Variants in ARL6IP4 observed in about 807,000 individuals in gnomAD.
The protein encoded by ARL6IP4 is ADP-ribosylation factor-like protein 6-interacting protein 4.
Under a neutral mutation model 28.1 loss-of-function variants are expected in ARL6IP4, and 24 were observed. That is an observed-to-expected ratio of 0.86 (90% confidence interval 0.62 to 1.20). The LOEUF (loss-of-function observed/expected upper bound fraction) is 1.20. Ranked by LOEUF, ARL6IP4 falls within the 50% of genes most tolerant of loss-of-function variation. The pLI is 0.00. For missense variants in ARL6IP4, 343 were observed against 302.4 expected, an observed-to-expected ratio of 1.13 and a Z score of -1.00; for synonymous variants, 162 against 122.3, an observed-to-expected ratio of 1.32 and a Z score of -2.14.
rs774647541 is a variant in ARL6IP4 at position 122,982,600 on chromosome 12, C to A, written c.658-20C>A. On this transcript the variant is annotated intron_variant, in intron 5 of 5. Transcript: ENST00000315580. ...CTCTGTTTGTGATGTACCCCTCCTC[C>A]TGTGTGCTTTCTTCCCCAGCAAGCC... The A allele has an allele frequency of 2.1e-5, 34 of 1,614,056 alleles. No individual in the cohort carries two copies. Among genetic ancestry groups the A allele is most frequent in the Non-Finnish European group, 2.7e-5 (32 of 1,180,034 alleles).
chr12:122,982,776 C>T lies in ARL6IP4; in HGVS notation c.*100C>T. 1 of 1,283,432 alleles carries T rather than the reference C, an allele frequency of 7.8e-7. No individual in the cohort carries two copies. The highest frequency in any genetic ancestry group is 1.1e-6 in the Non-Finnish European group (1 of 905,586). 79.5% of individuals were successfully genotyped at this position (1,283,432 alleles called of 1,614,324 possible). A position where few individuals can be genotyped will look rare whatever the true frequency, so the allele number is the denominator to read the frequency against. On this transcript the variant is annotated 3_prime_UTR_variant, in exon 6 of 6. Transcript: ENST00000315580. ...GCCTGATGGGTGCTGGTGGCCTTTC[C>T]CCCGTGGATTGGTCTCTGGCCCAGC...
At position 122,982,525 on chromosome 12, in the gene ARL6IP4, G is replaced by T; in HGVS notation, c.644G>T (p.Arg215Ile). 2 of 1,614,140 alleles carry T rather than the reference G, an allele frequency of 1.2e-6. No homozygotes were observed. The highest frequency in any genetic ancestry group is 1.3e-5 in the African/African-American group (1 of 75,036). The change falls in exon 5 of 6, where the codon AGA (arginine) becomes ATA (isoleucine). Residue 215 changes from arginine to isoleucine, a missense_variant. By Grantham distance (97) the Arg-to-Ile change is moderately conservative (BLOSUM62 -3). Transcript: ENST00000315580. ...GAAATCGTAACCAAAGAACGACACA[G>T]AGAGATCAACAAGGTGGGTGTGGCC... ...LEEIVTKERH[R>I]EINKQATRGD...
At position 122,982,511 on chromosome 12, in the gene ARL6IP4, C is replaced by A. The variant is rs1227201533; in HGVS notation, c.630C>A (p.Thr210=). ...GDGEVLEEIV[T]KERHREINKQ... ...GCGAGGTCCTAGAGGAAATCGTAACCAAAGAACGACACAGAGAGATCAACA... is the reference window on the plus strand; with the variant it reads ...GCGAGGTCCTAGAGGAAATCGTAACAAAAGAACGACACAGAGAGATCAACA... The change falls in exon 5 of 6, where the codon ACC becomes ACA. Residue 210 remains threonine (T), a synonymous_variant. Transcript: ENST00000315580. 6.2e-7 allele frequency: 1 copy of A among 1,614,120 alleles called. No homozygotes were observed. Among genetic ancestry groups the A allele is most frequent in the Admixed American group, 1.7e-5 (1 of 60,010 alleles).
At position 122,982,535 on chromosome 12, in the gene ARL6IP4, C is replaced by A; in HGVS notation, c.654C>A (p.Asn218Lys). 6.2e-7 allele frequency: 1 copy of A among 1,614,156 alleles called. No homozygotes were observed. The highest frequency in any genetic ancestry group is 2.2e-5 in the East Asian group (1 of 44,886). Reference sequence around the variant, plus strand: ...CCAAAGAACGACACAGAGAGATCAACAAGGTGGGTGTGGCCCCTCTGCCTG... The same window carrying A: ...CCAAAGAACGACACAGAGAGATCAAAAAGGTGGGTGTGGCCCCTCTGCCTG... The part of the protein sequence containing the change: ...IVTKERHREI[N>K]KQATRGDCLA... The change falls in exon 5 of 6, where the codon AAC (asparagine) becomes AAA (lysine). Residue 218 changes from asparagine to lysine, a missense_variant. Physicochemically the swap from Asn to Lys is moderately conservative, Grantham distance 94. Transcript: ENST00000315580.
intron 1 of ARL6IP4, 191 bp downstream of exon 1, chr12:122,980,936 C>G: frequency 7.2e-7 from 1 of 1,384,778 alleles, no homozygotes; most frequent in Non-Finnish European, 9.3e-7. Flanking sequence ...TTAACAGGCA[C>G]CGCTGCGGGG....
chr12:122,980,739 G>A lies in ARL6IP4; in HGVS notation c.-18G>A. On this transcript the variant is annotated 5_prime_UTR_variant, in exon 1 of 6. Coordinates refer to ENST00000315580, the MANE Select transcript of ARL6IP4 (RefSeq NM_018694.4). ...GGGCGGGCTGTCCGGCCCGCAGGGC[G>A]GTCGAGGTGGGAACGGAGCAGCCCC... is the stretch of plus-strand genomic sequence containing the variant. 7.6e-7 allele frequency: 1 copy of A among 1,320,900 alleles called. No homozygotes were observed. The highest frequency in any genetic ancestry group is 9.6e-7 in the Non-Finnish European group (1 of 1,039,950). 81.8% of individuals were successfully genotyped at this position (1,320,900 alleles called of 1,614,324 possible). A position where few individuals can be genotyped will look rare whatever the true frequency, so the allele number is the denominator to read the frequency against.
Position 122,981,643 on chromosome 12 carries a change from C to T in ARL6IP4, c.233C>T (p.Ser78Phe), listed in dbSNP as rs190753885. 7.1e-6 allele frequency: 11 copies of T among 1,558,974 alleles called. No homozygotes were observed. The highest frequency in any genetic ancestry group is 2.4e-5 in the East Asian group (1 of 42,028). Reference sequence around the variant, plus strand: ...AGGAGAACAAGATCCAGCTCCTCCTCCTCTTCTTCCAGTTCTTCTAGCTCC... The same window carrying T: ...AGGAGAACAAGATCCAGCTCCTCCTTCTCTTCTTCCAGTTCTTCTAGCTCC... ...ARRRTRSSSS[S>F]SSSSSSSSSS... The change falls in exon 3 of 6, where the codon TCC (serine) becomes TTC (phenylalanine). Residue 78 changes from serine to phenylalanine, a missense_variant. Transcript: ENST00000315580.
rs1355753485 is a variant in ARL6IP4, at chr12:122,981,828, C to A, written c.418C>A (p.Pro140Thr). The A allele has an allele frequency of 6.2e-7, 1 of 1,609,216 alleles. No homozygotes were observed. The highest frequency in any genetic ancestry group is 1.3e-5 in the African/African-American group (1 of 74,900). Reference sequence around the variant, plus strand: ...ACAGCAGGTGGAGGCTCTGCCGGGCCCCTCGCTGGACCAGTGGCACCGATC... The same window carrying A: ...ACAGCAGGTGGAGGCTCTGCCGGGCACCTCGCTGGACCAGTGGCACCGATC... ...EAQQVEALPG[P>T]SLDQWHRSAG... Residue 140 changes from proline (P) to threonine (T), a missense_variant, in exon 3 of 6, where the codon CCC becomes ACC. By Grantham distance (38) the Pro-to-Thr change is conservative (BLOSUM62 -1). Transcript: ENST00000315580.
chr12:122,980,617 C>T (rs971659570), upstream of ARL6IP4: 1 of 1,411,114 alleles, frequency 7.1e-7, no homozygotes, highest in Admixed American at 2.9e-5. Flanking sequence ...GGCGTCAGAA[C>T]GAAAGGCAGC....
At position 122,981,587 on chromosome 12, in the gene ARL6IP4, C is replaced by T. The variant is rs1217135503; in HGVS notation, c.177C>T (p.Cys59=). Residue 59 remains cysteine, a synonymous_variant, in exon 3 of 6, where the codon TGC becomes TGT. Coordinates refer to ENST00000315580, the MANE Select transcript of ARL6IP4 (RefSeq NM_018694.4). ...APGAEASPSP[C]ITERSKQKAR... is the part of the protein sequence containing the mutation. ...GCCTTCCAGCCTCACCTTCTCCCTG[C>T]ATCACAGAGAGAAGCAAGCAGAAGG... 2.6e-6 allele frequency: 4 copies of T among 1,556,982 alleles called. No individual in the cohort carries two copies. Among genetic ancestry groups the T allele is most frequent in the South Asian group, 1.2e-5 (1 of 85,382 alleles).
At position 122,981,637 on chromosome 12, in the gene ARL6IP4, C is replaced by T. The variant is rs766730540; in HGVS notation, c.227C>T (p.Ser76Phe). 9.6e-6 allele frequency: 15 copies of T among 1,560,194 alleles called. No individual in the cohort carries two copies. The highest frequency in any genetic ancestry group is 1.3e-5 in the Non-Finnish European group (15 of 1,153,136). ...GCCCGGAGGAGAACAAGATCCAGCT[C>T]CTCCTCCTCTTCTTCCAGTTCTTCT... ...QKARRRTRSS[S>F]SSSSSSSSSS... Residue 76 changes from serine to phenylalanine, a missense_variant, in exon 3 of 6, where the codon TCC becomes TTC. Ser to Phe is a radical substitution (Grantham distance 155, BLOSUM62 -2). Coordinates refer to ENST00000315580, the MANE Select transcript of ARL6IP4 (RefSeq NM_018694.4).
intron 4 of ARL6IP4, 79 bp from the exon 5 acceptor site, chr12:122,982,390 C>A: frequency 7.2e-7 from 1 of 1,397,760 alleles, no homozygotes; most frequent in East Asian, 2.5e-5. Flanking sequence ...GACCCCTCTG[C>A]CGGCTGCTTG....
rs1415559974 is a variant in ARL6IP4 at position 122,981,735 on chromosome 12, G to A, written c.325G>A (p.Asp109Asn). 4 of 1,553,784 alleles carry A rather than the reference G, an allele frequency of 2.6e-6. No individual in the cohort carries two copies. Among genetic ancestry groups the A allele is most frequent in the Non-Finnish European group, 3.5e-6 (4 of 1,148,312 alleles). The change falls in exon 3 of 6, where the codon GAC (aspartate) becomes AAC (asparagine). Residue 109 changes from aspartate (D) to asparagine (N), a missense_variant. By Grantham distance (23) the Asp-to-Asn change is conservative (BLOSUM62 1). Coordinates refer to ENST00000315580, the MANE Select transcript of ARL6IP4 (RefSeq NM_018694.4). ...DGRKKRGKYKDKRRKKKKKRK... is the reference protein window; with the variant it reads ...DGRKKRGKYKNKRRKKKKKRK... ...CCGGAAGAAGCGGGGGAAGTACAAG[G>A]ACAAGAGGAGGAAGAAGAAGAAGAA... is the stretch of plus-strand genomic sequence containing the variant.
At position 122,981,730 on chromosome 12, in the gene ARL6IP4, A is replaced by G; in HGVS notation, c.320A>G (p.Tyr107Cys). The G allele has an allele frequency of 6.4e-7, 1 of 1,553,454 alleles. No individual in the cohort carries two copies. The highest frequency in any genetic ancestry group is 8.7e-7 in the Non-Finnish European group (1 of 1,147,948). Reference sequence around the variant, plus strand: ...GATGGCCGGAAGAAGCGGGGGAAGTACAAGGACAAGAGGAGGAAGAAGAAG... The same window carrying G: ...GATGGCCGGAAGAAGCGGGGGAAGTGCAAGGACAAGAGGAGGAAGAAGAAG... ...SSDGRKKRGK[Y>C]KDKRRKKKKK... Residue 107 changes from tyrosine (Y) to cysteine (C), a missense_variant, in exon 3 of 6, where the codon TAC becomes TGC. By Grantham distance (194) the Tyr-to-Cys change is radical. Transcript: ENST00000315580.
upstream of ARL6IP4, chr12:122,980,424 G>T (rs751561292): frequency 5.9e-6 from 8 of 1,362,474 alleles, no homozygotes; most frequent in South Asian, 2.0e-5. Flanking sequence ...GGAGGGCGGC[G>T]CGCGCGAGGG....
At chr12:122,980,914 C>T (rs1370173628) in intron 1 of ARL6IP4, 169 bp downstream of exon 1, 2 of 1,358,436 alleles carry the variant, frequency 1.5e-6, no homozygotes, top group East Asian at 3.1e-5. Context: ...CCTCCGGGCA[C>T]GGGGCGGGCC....
chr12:122,982,832 G>T lies in ARL6IP4; in HGVS notation c.*156G>T. ...CTCTTCTCAGGGGCAGGGGGTGGAGGTTGGGGTCACCGGCCTGCTTGGCAC... is the reference window on the plus strand; with the variant it reads ...CTCTTCTCAGGGGCAGGGGGTGGAGTTTGGGGTCACCGGCCTGCTTGGCAC... On this transcript the variant is annotated 3_prime_UTR_variant, in exon 6 of 6. Coordinates refer to ENST00000315580, the MANE Select transcript of ARL6IP4 (RefSeq NM_018694.4). 1.3e-6 allele frequency: 1 copy of T among 781,840 alleles called. No individual in the cohort carries two copies. Among genetic ancestry groups the T allele is most frequent in the Non-Finnish European group, 2.0e-6 (1 of 489,430 alleles). The allele number at this position is 781,840 out of a possible 1,614,324, so 48.4% of individuals were successfully genotyped here. A position where few individuals can be genotyped will look rare whatever the true frequency, so the allele number is the denominator to read the frequency against.
intron 3 of ARL6IP4, 28 bp downstream of exon 3, chr12:122,981,907 G>T (rs1302887530): frequency 3.7e-6 from 6 of 1,613,534 alleles, no homozygotes; most frequent in Non-Finnish European, 5.1e-6. Context: ...ACCTGAGAGG[G>T]AGAAGGTCGC....
rs7966050 is a variant in ARL6IP4, at chr12:122,981,330, C to T, written c.160+31C>T. On this transcript the variant is annotated intron_variant, in intron 2 of 5. Transcript: ENST00000315580. ...GACCACAGGCATCGGGGAGAGGAGG[C>T]GCAGTTACTACCCGGGGAAGTCGGG... 0.019 allele frequency: 28,741 copies of T among 1,526,770 alleles called. 4,357 individuals are homozygous for T. The African/African-American group carries it at 0.34, about 18-fold the overall frequency. The allele number at this position is 1,526,770 out of a possible 1,614,324, so 94.6% of individuals were successfully genotyped here.
Sources: gnomAD v4.1 joint callset for allele counts on GRCh38, gnomAD v4.1.1 for gene constraint, MANE v1.5 for transcripts, NCBI Gene and HGNC (gene_info 2026-07-23, HGNC 2026-07-21) for gene names.